The following CHL1 variants were observed in gnomAD, a reference collection of about 807,000 sequenced individuals.
CHL1 encodes the protein neural cell adhesion molecule L1-like protein.
CHL1 carries 96 observed loss-of-function variants against 141.9 expected under a neutral mutation model. The ratio of observed to expected loss-of-function variants is 0.68; its 90% confidence interval spans 0.57 to 0.80. CHL1 has a LOEUF of 0.80. CHL1 is among the 30% of genes least tolerant of loss of function. The pLI is 0.00. For synonymous variants in CHL1, 613 were observed against 502.2 expected (o/e 1.22, Z -2.95); for missense variants, 1,820 against 1,457.2 (o/e 1.25, Z -4.05).
At chr3:372,437 G>T (rs954527386) in intron 15 of CHL1, among the ~76,000 whole-genome samples, 1 of 152,050 alleles carries the variant, frequency 6.6e-6, no homozygotes, top group African/African-American at 2.4e-5. Context: ...AAGTTCTCCT[G>T]CTGTGTTTTT....
intron 5 of CHL1, among the ~76,000 whole-genome samples, chr3:329,275 C>A (rs1018169456): frequency 4.0e-5 from 6 of 151,848 alleles, no homozygotes; most frequent in Non-Finnish European, 8.8e-5. Flanking sequence ...CTTTTAGAGT[C>A]CTAGATATGA....
At chr3:307,584 T>C (rs1009071165) in intron 2 of CHL1, among the ~76,000 whole-genome samples, 2 of 152,188 alleles carry the variant, frequency 1.3e-5, no homozygotes, top group Admixed American at 6.5e-5. Flanking sequence ...CCCTTGATTT[T>C]TTAATATCCT....
chr3:355,006 A>C (rs910934943), intron 11 of CHL1, among the ~76,000 whole-genome samples: 1 of 152,186 alleles, frequency 6.6e-6, no homozygotes, highest in Non-Finnish European at 1.5e-5. Flanking sequence ...TATATATAAG[A>C]ATAAAGATTT....
At chr3:255,101 T>G (rs1694035722) in intron 2 of CHL1, among the ~76,000 whole-genome samples, 1 of 152,208 alleles carries the variant, frequency 6.6e-6, no homozygotes, top group Admixed American at 6.5e-5. Context: ...CTTGAAAGAT[T>G]AATTTTCCTT....
chr3:376,444 C>A, intron 15 of CHL1: 1 of 512,150 alleles, frequency 2.0e-6, no homozygotes, highest in Non-Finnish European at 3.9e-6. Flanking sequence ...ACCATACCTA[C>A]CACATTTCGA....
At chr3:370,537 C>CA (rs142286746) in intron 15 of CHL1, among the ~76,000 whole-genome samples, 129,416 of 144,846 alleles carry the variant, frequency 0.89, 58,081 homozygotes, top group East Asian at 0.99. Flanking sequence ...TTAATTTTTT[C>CA]AAAAAAAAAA....
Position 366,105 on chromosome 3 carries a change from G to A in CHL1, c.1741G>A (p.Glu581Lys). The A allele has an allele frequency of 1.2e-6, 2 of 1,613,428 alleles. No homozygotes were observed. Among genetic ancestry groups the A allele is most frequent in the Non-Finnish European group, 1.7e-6 (2 of 1,179,636 alleles). The change falls in exon 15 of 28, where the codon GAA becomes AAA. Residue 581 changes from glutamate (E) to lysine (K), a missense_variant. Coordinates refer to ENST00000256509, the MANE Select transcript of CHL1 (RefSeq NM_006614.4). ...AGAAGCCTTTGAAATTAATGGCACAGAAGATGGCAGGTAGGTAAACTATTA... is the reference window on the plus strand; with the variant it reads ...AGAAGCCTTTGAAATTAATGGCACAAAAGATGGCAGGTAGGTAAACTATTA... Reference protein sequence around the residue: ...DGEAFEINGTEDGRIIIDGAN... With the variant: ...DGEAFEINGTKDGRIIIDGAN...
intron 12 of CHL1, among the ~76,000 whole-genome samples, 166 bp downstream of exon 12, chr3:360,590 C>CT (rs5845966): frequency 0.72 from 94,499 of 130,624 alleles, 30,387 homozygotes; most frequent in African/African-American, 0.78. Context: ...ATTGTACTTT[C>CT]TTTTTTTTTT....
chr3:245,724 T>C (rs975195937), intron 2 of CHL1, among the ~76,000 whole-genome samples: 1 of 152,092 alleles, frequency 6.6e-6, no homozygotes, highest in Non-Finnish European at 1.5e-5. Flanking sequence ...TGGAAAGAGA[T>C]AGAAAATCTT....
At chr3:239,944 G>A (rs1392409231) in intron 1 of CHL1, among the ~76,000 whole-genome samples, 6 of 152,148 alleles carry the variant, frequency 3.9e-5, no homozygotes, top group African/African-American at 4.8e-5. Flanking sequence ...TCATGGCTGA[G>A]TAGTATTCCA....
rs373598013 is a variant in CHL1 at position 200,669 on chromosome 3, A to G, written c.-175+3606A>G. Among the ~76,000 whole-genome samples the G allele has an allele frequency of 3.3e-5, 5 of 152,310 alleles. No homozygotes were observed. The East Asian group carries it at 9.6e-4, about 29-fold the overall frequency. On this transcript the variant is annotated intron_variant, in intron 1 of 27. Coordinates refer to ENST00000256509, the MANE Select transcript of CHL1 (RefSeq NM_006614.4). Reference sequence around the variant, plus strand: ...GTGCTAAGCATTCTTTCAAAGAAAGATTACATTATTCGCTATCATTTTATG... The same window carrying G: ...GTGCTAAGCATTCTTTCAAAGAAAGGTTACATTATTCGCTATCATTTTATG...
intron 1 of CHL1, among the ~76,000 whole-genome samples, chr3:223,704 G>T (rs1409741596): frequency 6.6e-6 from 1 of 152,194 alleles, no homozygotes; most frequent in South Asian, 2.1e-4. Context: ...TGCAGGCCCA[G>T]TGAAGCAGAA....
intron 24 of CHL1, among the ~76,000 whole-genome samples, chr3:396,223 A>G (rs1247383698): frequency 3.3e-5 from 5 of 152,196 alleles, no homozygotes; most frequent in Non-Finnish European, 7.4e-5. Flanking sequence ...AAAGATGGGG[A>G]TTGGAAACTT....
At chr3:363,465 T>C in intron 14 of CHL1, 82 bp downstream of exon 14, 1 of 1,265,540 alleles carries the variant, frequency 7.9e-7, no homozygotes, top group Non-Finnish European at 1.1e-6. Context: ...AATAATACCA[T>C]TTAAGTTGGA....
At chr3:328,467 T>A (rs1194121279) in intron 5 of CHL1, 113 bp downstream of exon 5, 1 of 820,676 alleles carries the variant, frequency 1.2e-6, no homozygotes, top group African/African-American at 1.8e-5. Context: ...AACTTATATG[T>A]GTCTTGTATT....
chr3:343,011 C>T lies in CHL1; in HGVS notation c.707C>T (p.Ser236Phe), dbSNP rs574561572. 13 of 1,608,568 alleles carry T rather than the reference C, an allele frequency of 8.1e-6. No individual in the cohort carries two copies. The African/African-American group carries it at 1.5e-4, about 18-fold the overall frequency. ...SLKHANDSSS[S>F]TEIGSKANSI... is the part of the protein sequence containing the mutation. ...AAGCATGCTAATGACTCAAGTTCAT[C>T]CACAGAAATTGGTTCCAAGGGTAAG... Residue 236 changes from serine to phenylalanine, a missense_variant, in exon 8 of 28, where the codon TCC becomes TTC. Coordinates refer to ENST00000256509, the MANE Select transcript of CHL1 (RefSeq NM_006614.4).
rs756693387 is a variant in CHL1 at position 405,704 on chromosome 3, G to A, written c.3668G>A (p.Arg1223Gln). The A allele has an allele frequency of 8.7e-6, 14 of 1,612,064 alleles. No homozygotes were observed. Among genetic ancestry groups the A allele is most frequent in the Admixed American group, 8.3e-5 (5 of 59,894 alleles). Residue 1223 changes from arginine to glutamine, a missense_variant, in exon 28 of 28, where the codon CGG becomes CAG. Arg to Gln is a conservative substitution (Grantham distance 43, BLOSUM62 1). Coordinates refer to ENST00000256509, the MANE Select transcript of CHL1 (RefSeq NM_006614.4). ...AGTTCTACAGCAACTTTTCCCCTTC[G>A]GGCATAAACACAACATATGTAAGCA... is the stretch of plus-strand genomic sequence containing the variant. ...NGSSTATFPL[R>Q]A
chr3:405,346 G>A, intron 27 of CHL1, 149 bp from the exon 28 acceptor site: 1 of 584,440 alleles, frequency 1.7e-6, no homozygotes, highest in Non-Finnish European at 3.0e-6. Flanking sequence ...AACATTTGTG[G>A]TAGTATCATG....
chr3:361,428 A>C (rs930636287), intron 12 of CHL1, among the ~76,000 whole-genome samples: 3 of 146,784 alleles, frequency 2.0e-5, no homozygotes, highest in African/African-American at 7.6e-5. Context: ...ATCAGAGTGA[A>C]CAGGCAACCT....
Sources: gnomAD v4.1 joint callset for allele counts (sites outside exome capture counted in the v4.1 genomes callset) on GRCh38, gnomAD v4.1.1 for gene constraint, MANE v1.5 for transcripts, NCBI Gene and HGNC (gene_info 2026-07-23, HGNC 2026-07-21) for gene names.